Variants in LAMA2 observed in about 807,000 individuals in gnomAD.
LAMA2 encodes laminin subunit alpha-2.
Under a neutral mutation model 364.8 loss-of-function variants are expected in LAMA2, and 269 were observed. The observed-to-expected ratio is 0.74, with a 90% CI of 0.67 to 0.82. The LOEUF is 0.82. Ranked by LOEUF, LAMA2 falls within the 40% of genes least tolerant of loss-of-function variation. LAMA2 has a pLI of 0.00. For synonymous variants in LAMA2, 1,379 were observed against 1,370.6 expected, an observed-to-expected ratio of 1.01 and a Z score of -0.14; for missense variants, 3,807 against 3,873.2, an observed-to-expected ratio of 0.98 and a Z score of 0.45.
chr6:129,475,308 T>C, intron 52 of LAMA2, 82 bp from the exon 53 acceptor site: 1 of 850,644 alleles, frequency 1.2e-6, no homozygotes, highest in Non-Finnish European at 1.8e-6. Context: ...TGATTAAAGT[T>C]TATTGTTTTA....
rs1038604528 is a variant in LAMA2, at chr6:129,277,274, G to C, written c.2451-2787G>C. ...TCCTCTTTGTGTCACGGAACAATTA[G>C]CTTCATGTCTTGGCCAAAATTAGTG... On this transcript the variant is annotated intron_variant, in intron 17 of 64. Coordinates refer to ENST00000421865, the MANE Select transcript of LAMA2 (RefSeq NM_000426.4). Among the ~76,000 whole-genome samples, 32 of 152,148 alleles carry C rather than the reference G, an allele frequency of 2.1e-4. 1 individual carries two copies. The highest frequency in any genetic ancestry group is 7.5e-4 in the African/African-American group (31 of 41,434).
chr6:129,219,623 T>C (rs937147987), intron 12 of LAMA2, among the ~76,000 whole-genome samples: 8 of 147,072 alleles, frequency 5.4e-5, no homozygotes, highest in African/African-American at 2.0e-4. Flanking sequence ...GTGGCACATA[T>C]ACACCATGGA....
intron 17 of LAMA2, among the ~76,000 whole-genome samples, chr6:129,276,395 G>A (rs1179214704): frequency 6.6e-6 from 1 of 151,966 alleles, no homozygotes; most frequent in Non-Finnish European, 1.5e-5. Flanking sequence ...ATCCCAAGAA[G>A]CAATTCATTA....
chr6:128,995,088 C>T (rs1009138228), intron 1 of LAMA2, among the ~76,000 whole-genome samples: 2 of 152,110 alleles, frequency 1.3e-5, no homozygotes, highest in African/African-American at 2.4e-5. Context: ...TGAATCTCTG[C>T]GTTCTATCTT....
chr6:129,297,852 A>T lies in LAMA2; in HGVS notation c.3024A>T (p.Glu1008Asp), dbSNP rs1773290482. 6.2e-7 allele frequency: 1 copy of T among 1,613,810 alleles called. No individual in the cohort carries two copies. Reference sequence around the variant, plus strand: ...CCCACGGCTATTTCAACTTCCAAGAAGGAGGCTGCACAGGTCTGTAAATAT... The same window carrying T: ...CCCACGGCTATTTCAACTTCCAAGATGGAGGCTGCACAGGTCTGTAAATAT... The part of the protein sequence containing the change: ...RCAHGYFNFQ[E>D]GGCTACECSH... Residue 1008 changes from glutamate (E) to aspartate (D), a missense_variant, in exon 21 of 65, where the codon GAA becomes GAT. This residue lies in a region of LAMA2 where 3,333 missense variants were observed against 3,345.7 expected (regional missense o/e 1.00). Transcript: ENST00000421865.
rs545297338 is a variant in LAMA2, at chr6:128,997,366, G to GA, written c.113-52549dup. On this transcript the variant is annotated intron_variant, in intron 1 of 64. Coordinates refer to ENST00000421865, the MANE Select transcript of LAMA2 (RefSeq NM_000426.4). ...AGAAAGAAAGAAAGAACGAAAGAAA[G>GA]AAAGAGAGAGAGAGAAAGGAAGAGA... Among the ~76,000 whole-genome samples the GA allele has an allele frequency of 8.0e-4, 102 of 128,234 alleles. 1 individual carries two copies. Among genetic ancestry groups the GA allele is most frequent in the African/African-American group, 2.9e-3 (100 of 34,874 alleles). The allele number at this position is 128,234 out of a possible 152,430, so 84.1% of individuals were successfully genotyped here.
In LAMA2 at chr6:129,503,521, T is replaced by C. The variant is rs113987938; in HGVS notation, c.8547+241T>C. On this transcript the variant is annotated intron_variant, in intron 60 of 64. Transcript: ENST00000421865. ...CCATCACTGCTATATGGCTGTGGTT[T>C]TCAAACATCTACCCATAAACTGAGG... Among the ~76,000 whole-genome samples, 1,264 of 152,346 alleles carry C rather than the reference T, an allele frequency of 8.3e-3. 11 individuals are homozygous for C. The highest frequency in any genetic ancestry group is 0.014 in the Non-Finnish European group (944 of 68,026).
intron 24 of LAMA2, among the ~76,000 whole-genome samples, 162 bp downstream of exon 24, chr6:129,314,960 T>C (rs915929647): frequency 6.6e-6 from 1 of 152,118 alleles, no homozygotes; most frequent in African/African-American, 2.4e-5. Context: ...CATTAGAGAG[T>C]TGGAGTAAAT....
chr6:129,510,786 G>GTGA (rs1786511180), intron 62 of LAMA2, among the ~76,000 whole-genome samples: 1 of 152,090 alleles, frequency 6.6e-6, no homozygotes, highest in Admixed American at 6.6e-5. Flanking sequence ...AAAGTAGTGG[G>GTGA]TGATAGAAGA....
At chr6:128,923,566 G>A (rs72983322) in intron 1 of LAMA2, among the ~76,000 whole-genome samples, 10,622 of 152,148 alleles carry the variant, frequency 0.07, 450 homozygotes, top group South Asian at 0.12. Flanking sequence ...AAAGGGGATA[G>A]TATATCCAAT....
Position 129,387,983 on chromosome 6 carries a change from C to T in LAMA2, c.5072-3508C>T, listed in dbSNP as rs150870620. ...TTTAAAACCTAGATGATGGGCTGGG[C>T]GTGGTGGCTCACTCCTGTAATCCCA... On this transcript the variant is annotated intron_variant, in intron 35 of 64. Transcript: ENST00000421865. 3.1e-3 allele frequency among the ~76,000 whole-genome samples: 470 copies of T among 152,142 alleles called. 4 individuals are homozygous for T. The highest frequency in any genetic ancestry group is 0.011 in the African/African-American group (456 of 41,538).
At chr6:129,069,400 ATAAC>A (rs1458746401) in intron 3 of LAMA2, among the ~76,000 whole-genome samples, 19 of 148,346 alleles carry the variant, frequency 1.3e-4, no homozygotes, top group Admixed American at 3.4e-4. Context: ...TATATTATAT[ATAAC>A]TAATATACAA....
At position 129,415,039 on chromosome 6, in the gene LAMA2, C is replaced by T. The variant is rs1348208442; in HGVS notation, c.5865+11080C>T. On this transcript the variant is annotated intron_variant, in intron 40 of 64. Coordinates refer to ENST00000421865, the MANE Select transcript of LAMA2 (RefSeq NM_000426.4). Reference sequence around the variant, plus strand: ...GGTACATTACTGTGCTTAGATTCTTCATTTTTAACCTAATATACTGAGAGC... The same window carrying T: ...GGTACATTACTGTGCTTAGATTCTTTATTTTTAACCTAATATACTGAGAGC... Among the ~76,000 whole-genome samples, 2 of 152,188 alleles carry T rather than the reference C, an allele frequency of 1.3e-5. 1 individual carries two copies. The highest frequency in any genetic ancestry group is 2.9e-5 in the Non-Finnish European group (2 of 68,018).
At chr6:129,017,744 A>G (rs1562922987) in intron 1 of LAMA2, among the ~76,000 whole-genome samples, 1 of 152,086 alleles carries the variant, frequency 6.6e-6, no homozygotes, top group Non-Finnish European at 1.5e-5. Context: ...TCCTGTCTTC[A>G]TATTGATGAA....
chr6:128,988,268 A>G (rs968275302), intron 1 of LAMA2, among the ~76,000 whole-genome samples: 1 of 152,172 alleles, frequency 6.6e-6, no homozygotes, highest in Non-Finnish European at 1.5e-5. Context: ...TCTCTTATGG[A>G]CTGGTAATTT....
intron 1 of LAMA2, among the ~76,000 whole-genome samples, chr6:128,974,697 G>A (rs916410814): frequency 6.6e-6 from 1 of 152,148 alleles, no homozygotes; most frequent in African/African-American, 2.4e-5. Flanking sequence ...AAATGAGCCT[G>A]TGGGTTCACT....
chr6:129,009,371 A>C (rs1424299649), intron 1 of LAMA2, among the ~76,000 whole-genome samples: 2 of 152,104 alleles, frequency 1.3e-5, no homozygotes, highest in Non-Finnish European at 2.9e-5. Flanking sequence ...AAAAGCTTCA[A>C]AATTTTGGCA....
At chr6:129,301,234 GA>G (rs1773531576) in intron 22 of LAMA2, among the ~76,000 whole-genome samples, 5 of 152,098 alleles carry the variant, frequency 3.3e-5, no homozygotes, top group African/African-American at 1.2e-4. Flanking sequence ...AATTGCCCCT[GA>G]ATTATGACTA....
At chr6:129,165,713 G>A in intron 9 of LAMA2, 38 bp downstream of exon 9, 1 of 1,292,714 alleles carries the variant, frequency 7.7e-7, no homozygotes, top group Non-Finnish European at 1.1e-6. Context: ...TCTGATAAAA[G>A]GACAACTAAA....
Sources: allele counts gnomAD v4.1 joint callset (sites outside exome capture counted in the v4.1 genomes callset), GRCh38; gene constraint gnomAD v4.1.1; regional missense constraint gnomAD v4.1.1; transcripts MANE v1.5; gene names NCBI Gene and HGNC (gene_info 2026-07-23, HGNC 2026-07-21).